Variants in NAALADL2 observed in about 807,000 individuals in gnomAD.
The protein encoded by NAALADL2 is N-acetylated alpha-linked acidic dipeptidase like 2.
In NAALADL2, 76 loss-of-function variants were observed where a neutral mutation model predicts 87.2. That is an observed-to-expected ratio of 0.87 (90% confidence interval 0.72 to 1.05). NAALADL2 has a LOEUF of 1.05. NAALADL2 is among the 50% of genes least tolerant of loss of function. The pLI is 0.00. For missense variants in NAALADL2, 1,089 were observed against 945.8 expected (o/e 1.15, Z -1.99); for synonymous variants, 354 against 331.0 (o/e 1.07, Z -0.75).
intron 3 of NAALADL2, among the ~76,000 whole-genome samples, chr3:174,746,363 T>A (rs1025543341): frequency 7.9e-5 from 12 of 152,028 alleles, no homozygotes; most frequent in Non-Finnish European, 2.9e-5. Context: ...CCTAGGAATA[T>A]GGCTAACAAG....
intron 3 of NAALADL2, among the ~76,000 whole-genome samples, chr3:174,749,824 A>C (rs932190237): frequency 6.6e-5 from 10 of 152,192 alleles, no homozygotes; most frequent in African/African-American, 2.4e-4. Context: ...CTCTGCTTAA[A>C]ATATATTTTC....
intron 1 of NAALADL2, among the ~76,000 whole-genome samples, chr3:175,001,120 GACAATTTGGCC>G (rs1748170368): frequency 6.6e-6 from 1 of 152,176 alleles, no homozygotes; most frequent in East Asian, 1.9e-4. Context: ...GTCCAACCCG[GACAATTTGGCC>G]ACTATGTCAG....
chr3:175,106,726 A>C (rs1289383804), intron 2 of NAALADL2, among the ~76,000 whole-genome samples: 4 of 152,066 alleles, frequency 2.6e-5, no homozygotes, highest in African/African-American at 9.7e-5. Context: ...AATGTCAATG[A>C]AATCAAGATT....
intron 2 of NAALADL2, among the ~76,000 whole-genome samples, chr3:174,687,037 A>G (rs917470317): frequency 1.1e-4 from 17 of 152,116 alleles, no homozygotes; most frequent in African/African-American, 3.1e-4. Context: ...ATGGCTTCCA[A>G]TCCCACCCAG....
At chr3:175,121,800 T>C (rs950441489) in intron 2 of NAALADL2, among the ~76,000 whole-genome samples, 1 of 151,852 alleles carries the variant, frequency 6.6e-6, no homozygotes, top group African/African-American at 2.4e-5. Context: ...CACAGTTTGG[T>C]TGACTTTTTG....
chr3:175,391,289 C>T lies in NAALADL2; in HGVS notation c.1091-55940C>T, dbSNP rs181924987. 2.6e-3 allele frequency among the ~76,000 whole-genome samples: 398 copies of T among 152,264 alleles called. 1 individual carries two copies. The highest frequency in any genetic ancestry group is 9.3e-3 in the African/African-American group (385 of 41,548). ...GAAGGCCACTAATGTACTTGCCACC[C>T]TTGATTGTGGGCTGGACTGGAGATT... On this transcript the variant is annotated intron_variant, in intron 5 of 13. Coordinates refer to ENST00000454872, the MANE Select transcript of NAALADL2 (RefSeq NM_207015.3).
chr3:175,164,787 A>G (rs1733750025), intron 2 of NAALADL2, among the ~76,000 whole-genome samples: 1 of 152,156 alleles, frequency 6.6e-6, no homozygotes, highest in Non-Finnish European at 1.5e-5. Context: ...ATCCCTCAGG[A>G]AAGACTTTGA....
intron 4 of NAALADL2, among the ~76,000 whole-genome samples, chr3:175,319,739 G>T (rs910962005): frequency 1.3e-5 from 2 of 152,214 alleles, no homozygotes; most frequent in Non-Finnish European, 2.9e-5. Flanking sequence ...AGAATGGCTT[G>T]AACCTGGGAG....
chr3:175,367,451 A>T (rs1348506308), intron 5 of NAALADL2, among the ~76,000 whole-genome samples: 1 of 152,028 alleles, frequency 6.6e-6, no homozygotes, highest in East Asian at 1.9e-4. Context: ...ACCTGGGGCA[A>T]TACGGCCATT....
At chr3:175,664,663 A>G (rs1467855588) in intron 11 of NAALADL2, among the ~76,000 whole-genome samples, 1 of 152,156 alleles carries the variant, frequency 6.6e-6, no homozygotes, top group Non-Finnish European at 1.5e-5. Flanking sequence ...ATAAAAAGTT[A>G]ATTTGAATGA....
At chr3:174,958,829 A>G (rs1403619729) in intron 1 of NAALADL2, among the ~76,000 whole-genome samples, 1 of 152,106 alleles carries the variant, frequency 6.6e-6, no homozygotes, top group Non-Finnish European at 1.5e-5. Flanking sequence ...TACAGTCATA[A>G]GAAATTTAAT....
intron 1 of NAALADL2, among the ~76,000 whole-genome samples, chr3:174,541,299 A>AT (rs1225832143): frequency 5.3e-5 from 8 of 152,172 alleles, no homozygotes; most frequent in East Asian, 1.9e-4. Flanking sequence ...CTGTTAACAG[A>AT]TTTTTTTGAT....
chr3:175,096,587 T>G (rs76824564), intron 1 of NAALADL2, among the ~76,000 whole-genome samples: 84 of 151,864 alleles, frequency 5.5e-4, no homozygotes, highest in African/African-American at 2.0e-3. Flanking sequence ...ACTTTCATTT[T>G]TCTTTTGTCT....
intron 1 of NAALADL2, among the ~76,000 whole-genome samples, chr3:175,075,573 G>T (rs1245399795): frequency 6.6e-6 from 1 of 152,056 alleles, no homozygotes; most frequent in Non-Finnish European, 1.5e-5. Flanking sequence ...CCAAGCCAGT[G>T]GTGGCCATTC....
chr3:174,962,433 G>GTCATAGTGACTATGACATATATA (rs1742245895), intron 1 of NAALADL2, among the ~76,000 whole-genome samples: 2 of 52,234 alleles, frequency 3.8e-5, no homozygotes, highest in Non-Finnish European at 5.0e-5. Flanking sequence ...ATATATATAT[G>GTCATAGTGACTATGACATATATA]TATATTTTTA....
intron 1 of NAALADL2, among the ~76,000 whole-genome samples, chr3:174,543,894 G>A (rs943977578): frequency 6.6e-6 from 1 of 151,848 alleles, no homozygotes; most frequent in Non-Finnish European, 1.5e-5. Context: ...TGTAATCCCA[G>A]CTACCTGGTT....
chr3:175,768,430 A>C (rs549735107), intron 13 of NAALADL2, among the ~76,000 whole-genome samples: 1 of 152,312 alleles, frequency 6.6e-6, no homozygotes, highest in African/African-American at 2.4e-5. Context: ...AAGGGCTCTG[A>C]AGTTCAGAAA....
intron 11 of NAALADL2, among the ~76,000 whole-genome samples, chr3:175,645,731 G>T (rs561921171): frequency 2.0e-5 from 3 of 152,242 alleles, no homozygotes; most frequent in African/African-American, 7.2e-5. Context: ...AGGAAGGTGG[G>T]AGTTAGTTGA....
At chr3:174,663,704 T>G (rs1311426937) in intron 2 of NAALADL2, among the ~76,000 whole-genome samples, 1 of 152,166 alleles carries the variant, frequency 6.6e-6, no homozygotes, top group African/African-American at 2.4e-5. Flanking sequence ...GGATCAAATT[T>G]TAACATAAAT....
Sources: gnomAD v4.1 joint callset for allele counts (sites outside exome capture counted in the v4.1 genomes callset) on GRCh38, gnomAD v4.1.1 for gene constraint, MANE v1.5 for transcripts, NCBI Gene and HGNC (gene_info 2026-07-23, HGNC 2026-07-21) for gene names.